Variants in MAP7 observed in about 807,000 individuals in gnomAD.
MAP7 encodes ensconsin.
In MAP7, 52 loss-of-function variants were observed where a neutral mutation model predicts 94.8. That is an observed-to-expected ratio of 0.55 (90% confidence interval 0.44 to 0.69). MAP7 has a LOEUF of 0.69. Among genes scored for constraint, MAP7 ranks in the 30% least tolerant of loss-of-function variants. MAP7 has a pLI of 0.00. For missense variants in MAP7, 940 were observed against 964.6 expected (o/e 0.97, Z 0.34); for synonymous variants, 350 against 357.0 (o/e 0.98, Z 0.22).
chr6:136,549,126 T>C (rs924075446), intron 1 of MAP7, among the ~76,000 whole-genome samples: 8 of 152,172 alleles, frequency 5.3e-5, no homozygotes, highest in African/African-American at 1.9e-4. Context: ...TTCCTAGCAA[T>C]AGCAGATACA....
chr6:136,343,871 C>A lies in MAP7; in HGVS notation c.*357G>T. ...TAAAAAATTTTTTTTGCCAATTTTACATGTTAAGCTTTTAAGACCAAAAAA... is the reference window on the plus strand; with the variant it reads ...TAAAAAATTTTTTTTGCCAATTTTAAATGTTAAGCTTTTAAGACCAAAAAA... On this transcript the variant is annotated 3_prime_UTR_variant, in exon 18 of 18. Transcript: ENST00000354570. 2 of 165,218 alleles carry A rather than the reference C, an allele frequency of 1.2e-5. No homozygotes were observed. The highest frequency in any genetic ancestry group is 2.8e-3 in the Middle Eastern group (1 of 360). The allele number at this position is 165,218 out of a possible 1,614,324, so 10.2% of individuals were successfully genotyped here.
chr6:136,496,042 AT>A (rs1818098112), intron 1 of MAP7, among the ~76,000 whole-genome samples: 1 of 152,240 alleles, frequency 6.6e-6, no homozygotes, highest in South Asian at 2.1e-4. Flanking sequence ...GCTACAAATT[AT>A]AAAGGGCATA....
rs1195860400 is a variant in MAP7 at position 136,455,289 on chromosome 6, T to A, written c.68-33490A>T. On this transcript the variant is annotated intron_variant, in intron 1 of 17. Transcript: ENST00000354570. Reference sequence around the variant, plus strand: ...GAGTCATTTCACCAGGAAGATAGAATAATTATAAATATATATGCACCCAAT... The same window carrying A: ...GAGTCATTTCACCAGGAAGATAGAAAAATTATAAATATATATGCACCCAAT... Among the ~76,000 whole-genome samples, 5 of 152,108 alleles carry A rather than the reference T, an allele frequency of 3.3e-5. No homozygotes were observed. In the East Asian group the frequency reaches 9.6e-4, roughly 29 times the overall value.
chr6:136,345,896 G>T lies in MAP7; in HGVS notation c.2199C>A (p.Pro733=). 6.2e-7 allele frequency: 1 copy of T among 1,614,112 alleles called. No homozygotes were observed. Among genetic ancestry groups the T allele is most frequent in the South Asian group, 1.1e-5 (1 of 91,080 alleles). ...LAFDDEGTLG[P]LPQVDGVQTQ... ...TCTGAACACCATCTACCTGAGGCAG[G>T]GGCCCAAGTGTCCCTTCATCATCAA... The change falls in exon 17 of 18, where the codon CCC becomes CCA. Residue 733 remains proline, a synonymous_variant. Coordinates refer to ENST00000354570, the MANE Select transcript of MAP7 (RefSeq NM_003980.6).
Position 136,434,231 on chromosome 6 carries a change from C to T in MAP7, c.68-12432G>A, listed in dbSNP as rs1257165421. ...CTGAGGCAGGAGAACCGCTTGAACC[C>T]GGGAGGCAGAGGTTGCAGTGAGACA... is the stretch of plus-strand genomic sequence containing the variant. On this transcript the variant is annotated intron_variant, in intron 1 of 17. Transcript: ENST00000354570. Among the ~76,000 whole-genome samples the T allele has an allele frequency of 5.3e-5, 8 of 149,580 alleles. 1 individual carries two copies. In the South Asian group the frequency reaches 6.4e-4, roughly 12 times the overall value.
chr6:136,402,489 T>G (rs1784365859), intron 3 of MAP7, among the ~76,000 whole-genome samples: 1 of 152,182 alleles, frequency 6.6e-6, no homozygotes, highest in Admixed American at 6.5e-5. Flanking sequence ...CAGAGGGTCC[T>G]TCCCATTTCA....
chr6:136,386,485 T>C (rs1779223112), intron 5 of MAP7, among the ~76,000 whole-genome samples: 1 of 152,160 alleles, frequency 6.6e-6, no homozygotes, highest in South Asian at 2.1e-4. Flanking sequence ...AAAATTAAGC[T>C]AGGCAGCTTA....
chr6:136,387,133 A>G (rs1270188685), intron 5 of MAP7, among the ~76,000 whole-genome samples: 2 of 152,186 alleles, frequency 1.3e-5, no homozygotes, highest in Non-Finnish European at 2.9e-5. Context: ...ATTTTAATAA[A>G]GCAGTTATAA....
intron 3 of MAP7, among the ~76,000 whole-genome samples, chr6:136,405,104 T>C (rs1481086261): frequency 1.3e-5 from 2 of 152,222 alleles, no homozygotes; most frequent in Non-Finnish European, 2.9e-5. Context: ...ACGTTTTAAC[T>C]AATATGCAAT....
intron 11 of MAP7, 152 bp from the exon 12 acceptor site, chr6:136,361,331 C>A: frequency 1.3e-6 from 1 of 775,776 alleles, no homozygotes; most frequent in South Asian, 1.6e-5. Flanking sequence ...AGGGACAAAG[C>A]GCGAAGCCAC....
At chr6:136,356,890 T>C in intron 15 of MAP7, 96 bp from the exon 16 acceptor site, 1 of 949,340 alleles carries the variant, frequency 1.1e-6, no homozygotes, top group Admixed American at 2.1e-5. Context: ...ATGTGCTGGT[T>C]CTGCTACTTA....
At position 136,361,063 on chromosome 6, in the gene MAP7, C is replaced by CGCTGCA. The variant is rs1792575011; in HGVS notation, c.1637_1642dup (p.Leu546_Gln547dup). 1 of 1,598,692 alleles carries CGCTGCA rather than the reference C, an allele frequency of 6.3e-7. No homozygotes were observed. Among genetic ancestry groups the CGCTGCA allele is most frequent in the South Asian group, 1.1e-5 (1 of 90,538 alleles). Reference sequence around the variant, plus strand: ...GCGCAGCGCCCGCTCCTCCGCCTGCCGCTGCAGCTGCTCCTCCTTCTCCCG... The same window carrying CGCTGCA: ...GCGCAGCGCCCGCTCCTCCGCCTGCCGCTGCAGCTGCAGCTGCTCCTCCTTCTCCCG... On this transcript the variant is annotated inframe_insertion, in exon 12 of 18. Coordinates refer to ENST00000354570, the MANE Select transcript of MAP7 (RefSeq NM_003980.6).
intron 3 of MAP7, among the ~76,000 whole-genome samples, chr6:136,411,390 A>C (rs913596413): frequency 1.3e-5 from 2 of 152,194 alleles, no homozygotes; most frequent in African/African-American, 4.8e-5. Context: ...CTACTCATAT[A>C]TACTTTCCCT....
intron 16 of MAP7, among the ~76,000 whole-genome samples, chr6:136,349,433 G>A (rs1304719273): frequency 6.6e-6 from 1 of 152,112 alleles, no homozygotes; most frequent in East Asian, 1.9e-4. Context: ...GAGTGCAGTG[G>A]TGCAATCACG....
intron 1 of MAP7, chr6:136,545,136 G>C (rs1353283235): frequency 6.6e-6 from 1 of 152,134 alleles, no homozygotes; most frequent in Non-Finnish European, 1.5e-5. Context: ...TCTCAAAGTT[G>C]GTGTGTATGT....
intron 1 of MAP7, among the ~76,000 whole-genome samples, chr6:136,511,219 T>A (rs753988692): frequency 5.9e-5 from 9 of 152,150 alleles, no homozygotes; most frequent in Non-Finnish European, 1.2e-4. Flanking sequence ...TGTTATGGTA[T>A]TCTAAACTAC....
intron 1 of MAP7, among the ~76,000 whole-genome samples, chr6:136,536,290 C>G (rs1015017860): frequency 1.3e-5 from 2 of 151,980 alleles, no homozygotes; most frequent in Admixed American, 1.3e-4. Context: ...CTTGACTGAT[C>G]TAGAGCCATC....
At chr6:136,536,112 T>G (rs939755382) in intron 1 of MAP7, among the ~76,000 whole-genome samples, 4 of 152,216 alleles carry the variant, frequency 2.6e-5, no homozygotes, top group African/African-American at 9.7e-5. Flanking sequence ...TTCCGTGGTG[T>G]ATATGTGCCT....
chr6:136,458,800 C>T (rs1302125733), intron 1 of MAP7, among the ~76,000 whole-genome samples: 1 of 151,916 alleles, frequency 6.6e-6, no homozygotes, highest in African/African-American at 2.4e-5. Context: ...AAGTGTAAAA[C>T]TTCTAGAAAA....
Sources: gnomAD v4.1 joint callset for allele counts (sites outside exome capture counted in the v4.1 genomes callset) on GRCh38, gnomAD v4.1.1 for gene constraint, MANE v1.5 for transcripts, NCBI Gene and HGNC (gene_info 2026-07-23, HGNC 2026-07-21) for gene names.